Variants in OTOG observed in about 807,000 individuals in gnomAD.
The protein encoded by OTOG is otogelin.
A neutral mutation model predicts 313.8 loss-of-function variants in OTOG; 296 were observed. The observed-to-expected ratio is 0.94, with a 90% confidence interval of 0.86 to 1.04. OTOG has a LOEUF of 1.04. Among genes scored for constraint, OTOG ranks in the 50% least tolerant of loss-of-function variants. The pLI, the probability that OTOG is intolerant of heterozygous loss-of-function variation, is 0.00. For synonymous variants in OTOG, 1,533 were observed against 1,554.9 expected (o/e 0.99, Z 0.33); for missense variants, 3,948 against 3,840.1 (o/e 1.03, Z -0.74).
intron 39 of OTOG, among the ~76,000 whole-genome samples, chr11:17,619,616 G>C (rs1590047658): frequency 6.6e-6 from 1 of 151,786 alleles, no homozygotes. Context: ...TCACAGACTA[G>C]CTACAAATAA....
At chr11:17,576,678 C>T in intron 21 of OTOG, 48 bp downstream of exon 21, 3 of 1,499,628 alleles carry the variant, frequency 2.0e-6, no homozygotes, top group Non-Finnish European at 2.7e-6. Flanking sequence ...TAAAGGGAGG[C>T]TGCTGACTGA....
intron 37 of OTOG, 34 bp downstream of exon 37, chr11:17,612,364 C>G (rs1302955468): frequency 6.7e-7 from 1 of 1,498,164 alleles, no homozygotes; most frequent in Non-Finnish European, 8.9e-7. Flanking sequence ...CTCCTGCATC[C>G]TCCCTGTATC....
In OTOG at chr11:17,609,862, T is replaced by C. The variant is rs1853481533; in HGVS notation, c.4562T>C (p.Val1521Ala). The C allele has an allele frequency of 4.6e-6, 7 of 1,515,476 alleles. No homozygotes were observed. The highest frequency in any genetic ancestry group is 5.3e-6 in the Non-Finnish European group (6 of 1,125,986). 93.9% of individuals were successfully genotyped at this position (1,515,476 alleles called of 1,614,324 possible). ...PPVTATEEPVVSPGPTQTTLQ... is the reference protein window; with the variant it reads ...PPVTATEEPVASPGPTQTTLQ... ...GTGACAGCCACTGAGGAGCCAGTGG[T>C]GTCTCCAGGCCCCACCCAGACCACC... Residue 1521 changes from valine (V) to alanine (A), a missense_variant, in exon 36 of 56, where the codon GTG becomes GCG. Physicochemically the swap from Val to Ala is moderately conservative, Grantham distance 64. Coordinates refer to ENST00000399397, the MANE Select transcript of OTOG (RefSeq NM_001292063.2).
rs1473550165 is a variant in OTOG, at chr11:17,613,602, C to G, written c.6439-10C>G. ...GCTCCAAGTTGATGAGGGCTGGGTT[C>G]TCTCTGCAGGGGCACCTGAACTGGC... On this transcript the variant is annotated splice_polypyrimidine_tract_variant and intron_variant, in intron 38 of 55. Coordinates refer to ENST00000399397, the MANE Select transcript of OTOG (RefSeq NM_001292063.2). The G allele has an allele frequency of 6.5e-7, 1 of 1,550,232 alleles. No homozygotes were observed. Among genetic ancestry groups the G allele is most frequent in the Non-Finnish European group, 8.7e-7 (1 of 1,146,822 alleles).
At chr11:17,618,506 C>T (rs142156796) in intron 39 of OTOG, among the ~76,000 whole-genome samples, 235 of 152,210 alleles carry the variant, frequency 1.5e-3, no homozygotes, top group African/African-American at 5.1e-3. Flanking sequence ...CGAGAATATG[C>T]TCTAAGTAAG....
At chr11:17,566,907 C>A (rs1415214267) in intron 15 of OTOG, among the ~76,000 whole-genome samples, 1 of 152,202 alleles carries the variant, frequency 6.6e-6, no homozygotes, top group African/African-American at 2.4e-5. Flanking sequence ...ATCCTGGGAT[C>A]CCCTCCTACG....
chr11:17,596,821 C>T (rs1197503972), intron 29 of OTOG, 30 bp from the exon 30 acceptor site: 1 of 1,541,972 alleles, frequency 6.5e-7, no homozygotes, highest in Middle Eastern at 1.7e-4. Context: ...GGGATCTGTC[C>T]TCTGACCTCT....
Position 17,558,746 on chromosome 11 carries a change from G to A in OTOG, c.1103+102G>A, listed in dbSNP as rs1589997683. 1.3e-5 allele frequency: 15 copies of A among 1,191,226 alleles called. No homozygotes were observed. The East Asian group carries it at 3.8e-4, about 30-fold the overall frequency. The allele number at this position is 1,191,226 out of a possible 1,614,324, so 73.8% of individuals were successfully genotyped here. A position where few individuals can be genotyped will look rare whatever the true frequency, so the allele number is the denominator to read the frequency against. On this transcript the variant is annotated intron_variant, in intron 10 of 55. Transcript: ENST00000399397. Reference sequence around the variant, plus strand: ...GGTGATCCCAGGCACTGCCAGATCTGCTTCCCAAGGCTCTGAAATTCTTAT... The same window carrying A: ...GGTGATCCCAGGCACTGCCAGATCTACTTCCCAAGGCTCTGAAATTCTTAT...
At position 17,643,499 on chromosome 11, in the gene OTOG, C is replaced by T. The variant is rs551480283; in HGVS notation, c.8454C>T (p.Cys2818=). Residue 2818 remains cysteine (C), a synonymous_variant, in exon 54 of 56, where the codon TGC becomes TGT. Coordinates refer to ENST00000399397, the MANE Select transcript of OTOG (RefSeq NM_001292063.2). ...TGGTACCTTCCTTGGAAGGATGCTGCAGGACCTGTGAGTGAGCATGGTGGG... is the reference window on the plus strand; with the variant it reads ...TGGTACCTTCCTTGGAAGGATGCTGTAGGACCTGTGAGTGAGCATGGTGGG... The part of the protein sequence containing the change: ...GSVVPSLEGC[C]RTCKEDGRSC... The T allele has an allele frequency of 2.1e-6, 3 of 1,449,188 alleles. No individual in the cohort carries two copies. The Admixed American group carries it at 7.5e-5, about 36-fold the overall frequency. The allele number at this position is 1,449,188 out of a possible 1,614,324, so 89.8% of individuals were successfully genotyped here.
rs577343108 is a variant in OTOG, at chr11:17,561,263, C to T, written c.1498+126C>T. The T allele has an allele frequency of 2.5e-5, 28 of 1,108,830 alleles. No homozygotes were observed. In the Middle Eastern group the frequency reaches 1.0e-3, roughly 40 times the overall value. The allele number at this position is 1,108,830 out of a possible 1,614,324, so 68.7% of individuals were successfully genotyped here. On this transcript the variant is annotated intron_variant, in intron 14 of 55. Transcript: ENST00000399397. ...TCACTCAGTTCCATTGGCTACGCCC[C>T]GACCCCTGTTTCCTCAGAATCACTT...
chr11:17,610,840 C>T lies in OTOG; in HGVS notation c.5540C>T (p.Pro1847Leu), dbSNP rs757588789. The change falls in exon 36 of 56, where the codon CCA (proline) becomes CTA (leucine). Residue 1847 changes from proline to leucine, a missense_variant. Physicochemically the swap from Pro to Leu is moderately conservative, Grantham distance 98. Transcript: ENST00000399397. ...ATTLPAQTLS[P>L]VLPFTPAAMT... Reference sequence around the variant, plus strand: ...ACTCTGCCTGCTCAGACACTTAGCCCAGTACTGCCTTTCACTCCAGCAGCA... The same window carrying T: ...ACTCTGCCTGCTCAGACACTTAGCCTAGTACTGCCTTTCACTCCAGCAGCA... 16 of 1,550,852 alleles carry T rather than the reference C, an allele frequency of 1.0e-5. No homozygotes were observed. The African/African-American group carries it at 2.1e-4, about 20-fold the overall frequency.
At chr11:17,600,182 C>G (rs752731546) in intron 31 of OTOG, among the ~76,000 whole-genome samples, 4 of 151,972 alleles carry the variant, frequency 2.6e-5, no homozygotes, top group Non-Finnish European at 5.9e-5. Context: ...GGGAGATGCT[C>G]TGACATTTAG....
rs1219683801 is a variant in OTOG, at chr11:17,599,702, G to A, written c.3709+5G>A. Reference sequence around the variant, plus strand: ...ACTGTGACTTCTTTAACAAAGGTAAGCCCCTCCTCCCCACGCAGAGTCTCA... The same window carrying A: ...ACTGTGACTTCTTTAACAAAGGTAAACCCCTCCTCCCCACGCAGAGTCTCA... On this transcript the variant is annotated splice_donor_5th_base_variant and intron_variant, in intron 31 of 55. Transcript: ENST00000399397. 1.3e-6 allele frequency: 2 copies of A among 1,550,564 alleles called. No homozygotes were observed. The highest frequency in any genetic ancestry group is 1.7e-6 in the Non-Finnish European group (2 of 1,146,964).
chr11:17,564,850 G>A (rs1852265723), intron 15 of OTOG, among the ~76,000 whole-genome samples: 2 of 152,314 alleles, frequency 1.3e-5, no homozygotes, highest in Middle Eastern at 3.4e-3. Flanking sequence ...GCCAGCAGGA[G>A]GCAGAGCTGA....
At chr11:17,550,907 G>T (rs1234668410) in intron 3 of OTOG, among the ~76,000 whole-genome samples, 4 of 152,266 alleles carry the variant, frequency 2.6e-5, no homozygotes, top group African/African-American at 9.6e-5. Flanking sequence ...GAGCGTAAGG[G>T]ACAAGGTGGC....
At chr11:17,584,571 G>C (rs1474861208) in intron 23 of OTOG, among the ~76,000 whole-genome samples, 1 of 151,704 alleles carries the variant, frequency 6.6e-6, no homozygotes, top group Non-Finnish European at 1.5e-5. Flanking sequence ...TGTCGCCCAG[G>C]CTGGAGTGCA....
In OTOG at chr11:17,578,275, G is replaced by C; in HGVS notation, c.2606-98G>C. ...GCGACCAGGGAGGGAGGAGACTTCC[G>C]AGCCCGTCTCTCCCTCCATCCTCCA... On this transcript the variant is annotated intron_variant, in intron 22 of 55. Coordinates refer to ENST00000399397, the MANE Select transcript of OTOG (RefSeq NM_001292063.2). The C allele has an allele frequency of 3.6e-6, 5 of 1,407,338 alleles. No individual in the cohort carries two copies. In the South Asian group the frequency reaches 6.3e-5, roughly 18 times the overall value. 87.2% of individuals were successfully genotyped at this position (1,407,338 alleles called of 1,614,324 possible). A position where few individuals can be genotyped will look rare whatever the true frequency, so the allele number is the denominator to read the frequency against.
chr11:17,633,122 A>G (rs1320885184), intron 42 of OTOG, among the ~76,000 whole-genome samples: 3 of 152,376 alleles, frequency 2.0e-5, no homozygotes, highest in South Asian at 4.1e-4. Flanking sequence ...CCACAATCAG[A>G]GATTCAATTG....
In OTOG at chr11:17,635,584, A is replaced by G. The variant is rs1325933855; in HGVS notation, c.7694-26A>G. Reference sequence around the variant, plus strand: ...AGGCCCCTATGAGAGGACTGCTGTGACAGCATTGACCCTCTTCCCCCTCAG... The same window carrying G: ...AGGCCCCTATGAGAGGACTGCTGTGGCAGCATTGACCCTCTTCCCCCTCAG... On this transcript the variant is annotated intron_variant, in intron 46 of 55. Transcript: ENST00000399397. 4.6e-6 allele frequency: 7 copies of G among 1,529,092 alleles called. No individual in the cohort carries two copies. The East Asian group carries it at 1.7e-4, about 37-fold the overall frequency. 94.7% of individuals were successfully genotyped at this position (1,529,092 alleles called of 1,614,324 possible). A position where few individuals can be genotyped will look rare whatever the true frequency, so the allele number is the denominator to read the frequency against.
Sources: gnomAD v4.1 joint callset for allele counts (sites outside exome capture counted in the v4.1 genomes callset) on GRCh38, gnomAD v4.1.1 for gene constraint, MANE v1.5 for transcripts, NCBI Gene and HGNC (gene_info 2026-07-23, HGNC 2026-07-21) for gene names.